SLC1A1: variants seen among roughly 807,000 people sequenced by gnomAD.
SLC1A1 encodes excitatory amino acid transporter 3.
In SLC1A1, 43 loss-of-function variants were observed where a neutral mutation model predicts 53.3. That is an observed-to-expected ratio of 0.81 (90% CI 0.63 to 1.04). SLC1A1 has a LOEUF of 1.04. Among genes scored for constraint, SLC1A1 ranks in the 50% least tolerant of loss-of-function variants. The probability of loss-of-function intolerance (pLI) is 0.00; values close to 1 mark genes in which losing one functional copy is unlikely to be tolerated. For synonymous variants in SLC1A1, 307 were observed against 243.2 expected, an observed-to-expected ratio of 1.26 and a Z score of -2.44; for missense variants, 748 against 664.9, an observed-to-expected ratio of 1.12 and a Z score of -1.37.
At chr9:4,565,964 A>T (rs1009680943) in intron 4 of SLC1A1, 83 bp from the exon 5 acceptor site, 1 of 1,028,628 alleles carries the variant, frequency 9.7e-7, no homozygotes, top group Non-Finnish European at 1.5e-6. Flanking sequence ...GTTTTATGTT[A>T]TACTAATTTC....
At chr9:4,567,015 G>C (rs1819553972) in intron 5 of SLC1A1, among the ~76,000 whole-genome samples, 1 of 152,206 alleles carries the variant, frequency 6.6e-6, no homozygotes, top group Non-Finnish European at 1.5e-5. Flanking sequence ...AGTCACAGTG[G>C]TTGTTTGTAA....
intron 5 of SLC1A1, 84 bp from the exon 6 acceptor site, chr9:4,567,585 T>C: frequency 1.2e-6 from 1 of 866,480 alleles, no homozygotes; most frequent in Non-Finnish European, 1.9e-6. Flanking sequence ...TTGGCCAAAA[T>C]AACATGTTCC....
At chr9:4,539,568 C>CTTAT (rs576460071) in intron 1 of SLC1A1, among the ~76,000 whole-genome samples, 1 of 151,916 alleles carries the variant, frequency 6.6e-6, no homozygotes, top group African/African-American at 2.4e-5. Flanking sequence ...GTTTTACCAA[C>CTTAT]TTATTTATTT....
At chr9:4,565,648 C>G (rs1170742561) in intron 4 of SLC1A1, among the ~76,000 whole-genome samples, 1 of 152,204 alleles carries the variant, frequency 6.6e-6, no homozygotes, top group African/African-American at 2.4e-5. Flanking sequence ...GGCCCCTCCC[C>G]TGACATGTGG....
chr9:4,562,664 G>A (rs10815023), intron 3 of SLC1A1, among the ~76,000 whole-genome samples: 33,646 of 151,704 alleles, frequency 0.22, 4,491 homozygotes, highest in East Asian at 0.46. Context: ...GAGAATATGT[G>A]GTGTTTGGTT....
In SLC1A1 at chr9:4,530,195, A is replaced by G. The variant is rs971687142; in HGVS notation, c.92-14372A>G. Among the ~76,000 whole-genome samples the G allele has an allele frequency of 3.3e-5, 5 of 152,058 alleles. No homozygotes were observed. In the South Asian group the frequency reaches 1.0e-3, roughly 32 times the overall value. ...GTGGAACATGCAAAAAGAGGGCCCA[A>G]TTCTTCCCTTTCTCTCAATTTCCAT... On this transcript the variant is annotated intron_variant, in intron 1 of 11. Coordinates refer to ENST00000262352, the MANE Select transcript of SLC1A1 (RefSeq NM_004170.6).
intron 1 of SLC1A1, among the ~76,000 whole-genome samples, chr9:4,522,863 G>C (rs1443905768): frequency 1.3e-5 from 2 of 152,184 alleles, no homozygotes; most frequent in Admixed American, 6.5e-5. Context: ...TTGACACATG[G>C]AGATTATGGG....
At chr9:4,510,036 G>T (rs1292365044) in intron 1 of SLC1A1, among the ~76,000 whole-genome samples, 8 of 152,054 alleles carry the variant, frequency 5.3e-5, no homozygotes, top group African/African-American at 1.9e-4. Flanking sequence ...GTTTTGCTGT[G>T]TTGGCCAGGC....
intron 1 of SLC1A1, among the ~76,000 whole-genome samples, chr9:4,491,012 C>G (rs531285351): frequency 6.6e-6 from 1 of 152,354 alleles, no homozygotes; most frequent in East Asian, 1.9e-4. Flanking sequence ...GGTTCCTGCT[C>G]TACCCAAAAT....
At chr9:4,499,335 G>C (rs539058356) in intron 1 of SLC1A1, among the ~76,000 whole-genome samples, 14 of 152,032 alleles carry the variant, frequency 9.2e-5, no homozygotes, top group Non-Finnish European at 1.8e-4. Flanking sequence ...ATGAGTCACG[G>C]GGCCCAGCCA....
chr9:4,541,876 AG>A (rs1374313695), intron 1 of SLC1A1, among the ~76,000 whole-genome samples: 1 of 152,190 alleles, frequency 6.6e-6, no homozygotes. Context: ...TTCTTAATCC[AG>A]CCCAAGGTTC....
In SLC1A1 at chr9:4,576,087, C is replaced by T. The variant is rs777564804; in HGVS notation, c.962C>T (p.Ala321Val). ...KNPFRFAMGM[A>V]QALLTALMIS... ...CCTTTCCGATTTGCCATGGGAATGG[C>T]CCAGGCTCTCCTGACAGCTCTCATG... Residue 321 changes from alanine to valine, a missense_variant, in exon 9 of 12, where the codon GCC becomes GTC. Transcript: ENST00000262352. The T allele has an allele frequency of 7.4e-6, 12 of 1,613,432 alleles. No individual in the cohort carries two copies. The highest frequency in any genetic ancestry group is 7.6e-6 in the Non-Finnish European group (9 of 1,179,454).
At chr9:4,550,758 C>A (rs1817862178) in intron 2 of SLC1A1, among the ~76,000 whole-genome samples, 1 of 152,168 alleles carries the variant, frequency 6.6e-6, no homozygotes, top group African/African-American at 2.4e-5. Flanking sequence ...ATTTATTAAA[C>A]AACAGCCAGA....
intron 1 of SLC1A1, among the ~76,000 whole-genome samples, chr9:4,540,997 CCTTCCCAAG>C (rs1816955908): frequency 6.6e-6 from 1 of 152,160 alleles, no homozygotes; most frequent in Admixed American, 6.5e-5. Context: ...ATACCAGTGT[CCTTCCCAAG>C]CTTCCCAAGC....
rs755614091 is a variant in SLC1A1, at chr9:4,501,725, T to C, written c.91+10955T>C. On this transcript the variant is annotated intron_variant, in intron 1 of 11. Transcript: ENST00000262352. ...GTCGCAGTGAGCCGAGATCACGCCA[T>C]TGCACTCCAGCCTGGGCAATGAGAG... 4.6e-5 allele frequency among the ~76,000 whole-genome samples: 7 copies of C among 151,464 alleles called. 1 individual carries two copies. Among genetic ancestry groups the C allele is most frequent in the Non-Finnish European group, 7.4e-5 (5 of 67,998 alleles).
chr9:4,490,889 C>T (rs1316959380), intron 1 of SLC1A1, 119 bp downstream of exon 1: 9 of 795,932 alleles, frequency 1.1e-5, no homozygotes, highest in Admixed American at 4.6e-5. Context: ...CTCGATGCCC[C>T]CTCGGCCTTA....
intron 1 of SLC1A1, among the ~76,000 whole-genome samples, chr9:4,543,150 T>C (rs1210465521): frequency 2.6e-5 from 4 of 152,382 alleles, no homozygotes; most frequent in East Asian, 1.9e-4. Context: ...AAAATTCTAG[T>C]ACTGATTATA....
intron 2 of SLC1A1, 132 bp downstream of exon 2, chr9:4,544,839 C>A: frequency 1.3e-6 from 1 of 787,552 alleles, no homozygotes; most frequent in Non-Finnish European, 2.1e-6. Flanking sequence ...CAGAAGGTCT[C>A]AGGAAACTCA....
intron 1 of SLC1A1, among the ~76,000 whole-genome samples, chr9:4,541,404 G>A (rs958373957): frequency 3.7e-4 from 57 of 152,228 alleles, no homozygotes; most frequent in Non-Finnish European, 6.3e-4. Context: ...AATTTAGTTC[G>A]TTTGTTTTCT....
Sources: gnomAD v4.1 joint callset for allele counts (sites outside exome capture counted in the v4.1 genomes callset) on GRCh38, gnomAD v4.1.1 for gene constraint, MANE v1.5 for transcripts, NCBI Gene and HGNC (gene_info 2026-07-23, HGNC 2026-07-21) for gene names.